Variants in GALNT3 observed in about 807,000 individuals in gnomAD.
GALNT3 encodes the protein polypeptide N-acetylgalactosaminyltransferase 3, also known as GalNAc transferase 3.
GALNT3 carries 51 observed loss-of-function variants against 69.8 expected under a neutral mutation model. The ratio of observed to expected loss-of-function variants is 0.73; its 90% CI spans 0.58 to 0.92. The LOEUF (loss-of-function observed/expected upper bound fraction) is 0.92, where lower values mean the gene tolerates loss of function less well. Ranked by LOEUF, GALNT3 falls within the 40% of genes least tolerant of loss-of-function variation. The pLI is 0.00. For missense variants in GALNT3, 711 were observed against 760.0 expected (o/e 0.94, Z 0.76); for synonymous variants, 265 against 248.5 (o/e 1.07, Z -0.63).
At chr2:165,775,654 C>T (rs921258165) in intron 1 of GALNT3, among the ~76,000 whole-genome samples, 5 of 152,164 alleles carry the variant, frequency 3.3e-5, no homozygotes, top group African/African-American at 9.6e-5. Context: ...TCTGGATATA[C>T]ATTAGTGAAA....
chr2:165,748,223 A>C lies in GALNT3; in HGVS notation c.*558T>G, dbSNP rs1200016187. ...GTTAAAAATACTCTTCTCCTTATTCAGTTTCATGTTTAAGGAAACATTTGA... is the reference window on the plus strand; with the variant it reads ...GTTAAAAATACTCTTCTCCTTATTCCGTTTCATGTTTAAGGAAACATTTGA... On this transcript the variant is annotated 3_prime_UTR_variant, in exon 11 of 11. Coordinates refer to ENST00000392701, the MANE Select transcript of GALNT3 (RefSeq NM_004482.4). The C allele has an allele frequency of 5.0e-6, 1 of 201,264 alleles. No homozygotes were observed. The highest frequency in any genetic ancestry group is 1.0e-5 in the Non-Finnish European group (1 of 97,808). The allele number at this position is 201,264 out of a possible 1,614,324, so 12.5% of individuals were successfully genotyped here.
rs776322512 is a variant in GALNT3, at chr2:165,770,434, GTTTTGCC to G, written c.260_266del (p.Arg87ThrfsTer19). The G allele has an allele frequency of 4.3e-6, 7 of 1,614,096 alleles. No individual in the cohort carries two copies. In the African/African-American group the frequency reaches 9.3e-5, roughly 22 times the overall value. ...AACAAGGTCTCTCACCAGCATCAAT[GTTTTGCC>G]TGACAGGTGCTCCTATTTGCATTTT... On this transcript the variant is annotated frameshift_variant, in exon 2 of 11. Coordinates refer to ENST00000392701, the MANE Select transcript of GALNT3 (RefSeq NM_004482.4). LOFTEE classifies it high-confidence loss of function.
At position 165,758,731 on chromosome 2, in the gene GALNT3, A is replaced by G. The variant is rs751162657; in HGVS notation, c.1191+16T>C. ...TTGTTTAATATATCTGCTATATTTA[A>G]TTTCCATAAACTTACTCTGAAAGAC... On this transcript the variant is annotated intron_variant, in intron 6 of 10. Coordinates refer to ENST00000392701, the MANE Select transcript of GALNT3 (RefSeq NM_004482.4). 1.4e-6 allele frequency: 2 copies of G among 1,398,986 alleles called. No individual in the cohort carries two copies. Among genetic ancestry groups the G allele is most frequent in the African/African-American group, 2.8e-5 (2 of 70,594 alleles). The allele number at this position is 1,398,986 out of a possible 1,614,324, so 86.7% of individuals were successfully genotyped here. A position where few individuals can be genotyped will look rare whatever the true frequency, so the allele number is the denominator to read the frequency against.
At chr2:165,787,261 C>G (rs775495564) in intron 1 of GALNT3, among the ~76,000 whole-genome samples, 2 of 152,184 alleles carry the variant, frequency 1.3e-5, no homozygotes, top group Non-Finnish European at 2.9e-5. Context: ...GAGGGAAGAG[C>G]CTTCCAGGCC....
Position 165,770,384 on chromosome 2 carries a change from T to A in GALNT3, c.317A>T (p.Glu106Val). ...TGGACGGTCAAGGACAGGCTTCAAT[T>A]CTGCTGCTGTATAATATCCTTGCAA... is the stretch of plus-strand genomic sequence containing the variant. ...PCLQGYYTAA[E>V]LKPVLDRPPQ... The change falls in exon 2 of 11, where the codon GAA (glutamate) becomes GTA (valine). Residue 106 changes from glutamate (E) to valine (V), a missense_variant. Glu to Val is a moderately radical substitution (Grantham distance 121). Coordinates refer to ENST00000392701, the MANE Select transcript of GALNT3 (RefSeq NM_004482.4). 6.2e-7 allele frequency: 1 copy of A among 1,614,232 alleles called. No homozygotes were observed. Among genetic ancestry groups the A allele is most frequent in the South Asian group, 1.1e-5 (1 of 91,092 alleles).
At chr2:165,765,194 A>T (rs1416494684) in intron 2 of GALNT3, 138 bp from the exon 3 acceptor site, 1 of 774,410 alleles carries the variant, frequency 1.3e-6, no homozygotes, top group Admixed American at 2.6e-5. Flanking sequence ...TATAATCTCA[A>T]TGCTATATAA....
chr2:165,784,930 T>A (rs766576666), intron 1 of GALNT3, among the ~76,000 whole-genome samples: 2 of 152,234 alleles, frequency 1.3e-5, no homozygotes, highest in African/African-American at 2.4e-5. Context: ...CCCTGTCTGC[T>A]TTATTAATTG....
At chr2:165,761,822 G>C (rs754001827) in intron 4 of GALNT3, 83 bp downstream of exon 4, 1 of 1,468,790 alleles carries the variant, frequency 6.8e-7, no homozygotes, top group Non-Finnish European at 9.5e-7. Context: ...TAGGCATTTA[G>C]AAAAGAAAAG....
rs776775208 is a variant in GALNT3 at position 165,770,682 on chromosome 2, G to T, written c.19C>A (p.Leu7Ile). The T allele has an allele frequency of 5.6e-6, 9 of 1,603,448 alleles. No homozygotes were observed. Among genetic ancestry groups the T allele is most frequent in the South Asian group, 1.1e-5 (1 of 89,904 alleles). Residue 7 changes from leucine to isoleucine, a missense_variant, in exon 2 of 11, where the codon CTA (leucine) becomes ATA (isoleucine). Physicochemically the swap from Leu to Ile is conservative, Grantham distance 5. Coordinates refer to ENST00000392701, the MANE Select transcript of GALNT3 (RefSeq NM_004482.4). ...TGTCTTTTAATGTGTAATTTTACTAGTCGCTTTAGGTGAGCCATTCTGACA... is the reference window on the plus strand; with the variant it reads ...TGTCTTTTAATGTGTAATTTTACTATTCGCTTTAGGTGAGCCATTCTGACA... MAHLKR[L>I]VKLHIKRHYH...
chr2:165,754,814 G>C, intron 8 of GALNT3, 86 bp from the exon 9 acceptor site: 1 of 1,367,462 alleles, frequency 7.3e-7, no homozygotes, highest in Non-Finnish European at 1.0e-6. Context: ...TAATGTTAAT[G>C]ATTATAATGT....
At chr2:165,788,663 C>A (rs911707232) in intron 1 of GALNT3, among the ~76,000 whole-genome samples, 8 of 151,514 alleles carry the variant, frequency 5.3e-5, no homozygotes, top group African/African-American at 1.7e-4. Context: ...GTTTTAAGAG[C>A]CATTAAGAGC....
chr2:165,779,377 T>A (rs1559005555), intron 1 of GALNT3, among the ~76,000 whole-genome samples: 1 of 152,198 alleles, frequency 6.6e-6, no homozygotes, highest in Non-Finnish European at 1.5e-5. Flanking sequence ...TCTACACTTT[T>A]CACTACTCAG....
At chr2:165,771,186 C>T (rs1688746777) in intron 1 of GALNT3, 1 of 152,284 alleles carries the variant, frequency 6.6e-6, no homozygotes. Context: ...AAAGAGAGCT[C>T]CATAAGGAAG....
In GALNT3 at chr2:165,764,989, T is replaced by C; in HGVS notation, c.583A>G (p.Asn195Asp). ...CTAAGCAACGTGGACCACGCTTCAT[T>C]ATGAAAAACTATTATGACACTGGTG... is the stretch of plus-strand genomic sequence containing the variant. ...PTTSVIIVFH[N>D]EAWSTLLRTV... is the part of the protein sequence containing the mutation. The change falls in exon 3 of 11, where the codon AAT (asparagine) becomes GAT (aspartate). Residue 195 changes from asparagine to aspartate, a missense_variant. By Grantham distance (23) the Asn-to-Asp change is conservative. Coordinates refer to ENST00000392701, the MANE Select transcript of GALNT3 (RefSeq NM_004482.4). 1 of 1,614,184 alleles carries C rather than the reference T, an allele frequency of 6.2e-7. No individual in the cohort carries two copies. Among genetic ancestry groups the C allele is most frequent in the Non-Finnish European group, 8.5e-7 (1 of 1,180,004 alleles).
At chr2:165,776,324 G>A (rs1487672409) in intron 1 of GALNT3, among the ~76,000 whole-genome samples, 1 of 152,034 alleles carries the variant, frequency 6.6e-6, no homozygotes, top group African/African-American at 2.4e-5. Flanking sequence ...AGAAGTTTGA[G>A]AATTGATAAG....
At chr2:165,781,133 C>T (rs1031148334) in intron 1 of GALNT3, among the ~76,000 whole-genome samples, 6 of 152,124 alleles carry the variant, frequency 3.9e-5, no homozygotes, top group Non-Finnish European at 8.8e-5. Context: ...CCAAGAGAGT[C>T]GTTGAGTTTG....
rs528603539 is a variant in GALNT3, at chr2:165,767,508, G to C, written c.516-2452C>G. Among the ~76,000 whole-genome samples, 9 of 152,180 alleles carry C rather than the reference G, an allele frequency of 5.9e-5. No homozygotes were observed. The South Asian group carries it at 1.7e-3, about 28-fold the overall frequency. ...CGTCAGTTTAAACTAGGATTTATTT[G>C]CTTAACTGATAATTACCAATATCAA... On this transcript the variant is annotated intron_variant, in intron 2 of 10. Coordinates refer to ENST00000392701, the MANE Select transcript of GALNT3 (RefSeq NM_004482.4).
chr2:165,752,562 T>C (rs1235971736), intron 9 of GALNT3, among the ~76,000 whole-genome samples: 1 of 152,164 alleles, frequency 6.6e-6, no homozygotes, highest in South Asian at 2.1e-4. Context: ...CTATATTCTA[T>C]TTAAAATGTA....
At chr2:165,779,525 T>C (rs902347196) in intron 1 of GALNT3, among the ~76,000 whole-genome samples, 11 of 152,070 alleles carry the variant, frequency 7.2e-5, no homozygotes, top group African/African-American at 2.7e-4. Flanking sequence ...AGACATAGAG[T>C]CCTAACAGCT....
Sources: gnomAD v4.1 joint callset for allele counts (sites outside exome capture counted in the v4.1 genomes callset) on GRCh38, gnomAD v4.1.1 for gene constraint, MANE v1.5 for transcripts, NCBI Gene and HGNC (gene_info 2026-07-23, HGNC 2026-07-21) for gene names.